ASTN2: variants seen among roughly 807,000 people sequenced by gnomAD.
ASTN2 encodes astrotactin 2, also known as astrotactin-2.
Under a neutral mutation model 139.8 loss-of-function variants are expected in ASTN2, and 54 were observed. That is an observed-to-expected ratio of 0.39 (90% CI 0.31 to 0.48). The LOEUF (loss-of-function observed/expected upper bound fraction) is 0.48, where lower values mean the gene tolerates loss of function less well. ASTN2 is among the 20% of genes least tolerant of loss of function. The probability of loss-of-function intolerance (pLI) is 0.95; values close to 1 mark genes in which losing one functional copy is unlikely to be tolerated. For missense variants in ASTN2, 1,565 were observed against 1,725.1 expected, an observed-to-expected ratio of 0.91 and a Z score of 1.64; for synonymous variants, 756 against 719.5, an observed-to-expected ratio of 1.05 and a Z score of -0.81.
At chr9:116,643,248 A>G (rs1268323822) in intron 17 of ASTN2, among the ~76,000 whole-genome samples, 1 of 152,180 alleles carries the variant, frequency 6.6e-6, no homozygotes, top group African/African-American at 2.4e-5. Context: ...CTACATGCTC[A>G]GCACATAGTA....
In ASTN2 at chr9:116,425,454, C is replaced by T. The variant is rs1847276008; in HGVS notation, c.*397G>A. 7.6e-6 allele frequency: 8 copies of T among 1,055,002 alleles called. No homozygotes were observed. In the Admixed American group the frequency reaches 9.2e-5, roughly 12 times the overall value. 65.4% of individuals were successfully genotyped at this position (1,055,002 alleles called of 1,614,324 possible). On this transcript the variant is annotated 3_prime_UTR_variant, in exon 23 of 23. Coordinates refer to ENST00000313400, the MANE Select transcript of ASTN2 (RefSeq NM_001365068.1). The stretch of plus-strand genomic sequence containing the variant: ...TCTAGGGGTCAGGTCAAAACTGTCC[C>T]TCCATAGGTCTCCTCCAGGGGTCCA...
At chr9:116,459,326 G>T (rs964225072) in intron 20 of ASTN2, among the ~76,000 whole-genome samples, 2 of 151,962 alleles carry the variant, frequency 1.3e-5, no homozygotes, top group African/African-American at 2.4e-5. Flanking sequence ...AGACATAAGA[G>T]AAAATCTTTA....
chr9:116,683,029 T>TAATAA (rs151202880), intron 16 of ASTN2, among the ~76,000 whole-genome samples: 147,514 of 148,248 alleles, frequency 1, 73,402 homozygotes, highest in Non-Finnish European at 1. Flanking sequence ...AGTATAATAA[T>TAATAA]AATAAAATAA....
At position 117,009,947 on chromosome 9, in the gene ASTN2, T is replaced by C. The variant is rs563100848; in HGVS notation, c.1424-1688A>G. On this transcript the variant is annotated intron_variant, in intron 6 of 22. Transcript: ENST00000313400. ...GTGGGAGGAGAAGTTTCCCTGGAAA[T>C]AGTAAGGGTATGATTGGCAATGATT... 3.3e-5 allele frequency among the ~76,000 whole-genome samples: 5 copies of C among 152,194 alleles called. No homozygotes were observed. The East Asian group carries it at 9.7e-4, about 29-fold the overall frequency.
At chr9:117,147,517 G>A (rs1417688327) in intron 3 of ASTN2, among the ~76,000 whole-genome samples, 1 of 151,602 alleles carries the variant, frequency 6.6e-6, no homozygotes, top group East Asian at 1.9e-4. Context: ...ACGTTCCACC[G>A]ATGAAACGCA....
At chr9:117,187,194 T>C (rs938701123) in intron 3 of ASTN2, among the ~76,000 whole-genome samples, 1 of 152,120 alleles carries the variant, frequency 6.6e-6, no homozygotes, top group African/African-American at 2.4e-5. Flanking sequence ...CATGTGTGTA[T>C]GATTATGTAC....
intron 6 of ASTN2, among the ~76,000 whole-genome samples, chr9:117,011,684 T>A (rs1037191599): frequency 6.6e-6 from 1 of 152,216 alleles, no homozygotes; most frequent in Non-Finnish European, 1.5e-5. Context: ...GGCATGAATG[T>A]GATATGTATT....
intron 3 of ASTN2, among the ~76,000 whole-genome samples, chr9:117,197,573 G>A (rs1831547373): frequency 1.3e-5 from 2 of 152,088 alleles, no homozygotes; most frequent in African/African-American, 4.8e-5. Flanking sequence ...ATATATGTAG[G>A]TGCAAGTGTG....
At chr9:117,247,860 A>G (rs1427956172) in intron 2 of ASTN2, among the ~76,000 whole-genome samples, 2 of 152,218 alleles carry the variant, frequency 1.3e-5, no homozygotes, top group Non-Finnish European at 2.9e-5. Context: ...CTTGCAAGAC[A>G]TGACTCATAT....
intron 7 of ASTN2, among the ~76,000 whole-genome samples, chr9:117,005,080 A>AGTTTTT (rs1837314953): frequency 8.0e-5 from 6 of 74,672 alleles, no homozygotes; most frequent in South Asian, 1.3e-3. Context: ...CCTGTAGTCG[A>AGTTTTT]TTTTTTTTTT....
intron 19 of ASTN2, among the ~76,000 whole-genome samples, chr9:116,524,222 C>T (rs973139556): frequency 5.1e-4 from 77 of 152,040 alleles, no homozygotes; most frequent in African/African-American, 1.7e-3. Flanking sequence ...CCTATGTCTG[C>T]GTCCCTCACC....
chr9:117,280,700 G>A (rs930565098), intron 2 of ASTN2, among the ~76,000 whole-genome samples: 1 of 152,154 alleles, frequency 6.6e-6, no homozygotes, highest in African/African-American at 2.4e-5. Context: ...ATAAATTTCT[G>A]TTGTCTTAAG....
intron 2 of ASTN2, among the ~76,000 whole-genome samples, chr9:117,249,712 A>G (rs1465376406): frequency 6.7e-6 from 1 of 150,104 alleles, no homozygotes. Context: ...TTTTAACTTT[A>G]AAGATGGAGA....
intron 19 of ASTN2, among the ~76,000 whole-genome samples, chr9:116,551,928 A>C (rs989696347): frequency 6.6e-6 from 1 of 152,222 alleles, no homozygotes. Context: ...GGAAAATGCT[A>C]TCTAGCCAAA....
intron 10 of ASTN2, among the ~76,000 whole-genome samples, chr9:116,892,783 G>A (rs1161509230): frequency 6.6e-6 from 1 of 152,064 alleles, no homozygotes; most frequent in Admixed American, 6.5e-5. Context: ...CCTGCTCAGT[G>A]TCATGGGATG....
intron 10 of ASTN2, among the ~76,000 whole-genome samples, chr9:116,970,846 A>G (rs1023370104): frequency 6.6e-6 from 1 of 152,202 alleles, no homozygotes; most frequent in African/African-American, 2.4e-5. Flanking sequence ...AGGCGCTCCA[A>G]AAGCTGAGCT....
At chr9:116,616,063 T>A (rs1855837235) in intron 19 of ASTN2, among the ~76,000 whole-genome samples, 1 of 152,108 alleles carries the variant, frequency 6.6e-6, no homozygotes, top group South Asian at 2.1e-4. Context: ...GCTAGAACAA[T>A]TAGACAAGTA....
intron 19 of ASTN2, among the ~76,000 whole-genome samples, chr9:116,556,054 G>T (rs1852598355): frequency 6.6e-6 from 1 of 152,168 alleles, no homozygotes; most frequent in Admixed American, 6.5e-5. Context: ...ACATGGCTCT[G>T]TGCTATGTAC....
chr9:116,869,228 T>A (rs1489570561), intron 10 of ASTN2, among the ~76,000 whole-genome samples: 1 of 152,116 alleles, frequency 6.6e-6, no homozygotes, highest in African/African-American at 2.4e-5. Context: ...TAGTTGGGTT[T>A]AGGGTCCACC....
Sources: allele counts gnomAD v4.1 joint callset (sites outside exome capture counted in the v4.1 genomes callset), GRCh38; gene constraint gnomAD v4.1.1; transcripts MANE v1.5; gene names NCBI Gene and HGNC (gene_info 2026-07-23, HGNC 2026-07-21).